Variants in GUF1 observed in about 807,000 individuals in gnomAD.
The protein encoded by GUF1 is GTP binding elongation factor GUF1.
GUF1 carries 78 observed loss-of-function variants against 82.4 expected under a neutral mutation model. The observed-to-expected ratio is 0.95, with a 90% CI of 0.79 to 1.14. The LOEUF (loss-of-function observed/expected upper bound fraction) is 1.14. Ranked by LOEUF, GUF1 falls within the 50% of genes most tolerant of loss-of-function variation. The pLI, the probability that GUF1 is intolerant of heterozygous loss-of-function variation, is 0.00. For missense variants in GUF1, 814 were observed against 798.2 expected (o/e 1.02, Z -0.24); for synonymous variants, 279 against 282.3 (o/e 0.99, Z 0.12).
At position 44,690,875 on chromosome 4, in the gene GUF1, C is replaced by T; in HGVS notation, c.1479+15C>T. On this transcript the variant is annotated intron_variant, in intron 12 of 16. Coordinates refer to ENST00000281543, the MANE Select transcript of GUF1 (RefSeq NM_021927.3). ...TGCTTTGCGAGGTATAACTATAATA[C>T]AATTTAATACAAAATTAGGTTTTAG... 3.2e-6 allele frequency: 5 copies of T among 1,556,134 alleles called. No homozygotes were observed. Among genetic ancestry groups the T allele is most frequent in the East Asian group, 2.3e-5 (1 of 44,038 alleles).
At chr4:44,683,370 G>T in intron 6 of GUF1, 52 bp downstream of exon 6, 1 of 1,038,148 alleles carries the variant, frequency 9.6e-7, no homozygotes, top group Non-Finnish European at 1.4e-6. Flanking sequence ...TCAAGTAATT[G>T]GGCTAAGTGA....
intron 4 of GUF1, 26 bp from the exon 5 acceptor site, chr4:44,682,299 GGTCATCTCA>G (rs1714815348): frequency 8.6e-7 from 1 of 1,161,194 alleles, no homozygotes; most frequent in African/African-American, 1.6e-5. Context: ...ATAATAGAAT[GGTCATCTCA>G]GTATCTTGTA....
At chr4:44,697,365 T>C (rs1372504988) in intron 15 of GUF1, 43 bp from the exon 16 acceptor site, 2 of 1,278,716 alleles carry the variant, frequency 1.6e-6, no homozygotes, top group Non-Finnish European at 2.2e-6. Context: ...TTTTAAACAG[T>C]ATAATGGAAT....
chr4:44,696,765 C>G (rs144978969), intron 15 of GUF1, among the ~76,000 whole-genome samples: 76 of 152,268 alleles, frequency 5.0e-4, no homozygotes, highest in African/African-American at 1.8e-3. Context: ...GAAATGATAA[C>G]TAGGGAACAT....
chr4:44,695,395 C>T (rs1715742713), intron 14 of GUF1, among the ~76,000 whole-genome samples: 1 of 152,160 alleles, frequency 6.6e-6, no homozygotes, highest in African/African-American at 2.4e-5. Flanking sequence ...AGAACAGTTT[C>T]TATTGTCTAA....
chr4:44,696,307 C>T (rs1304735855), intron 15 of GUF1, among the ~76,000 whole-genome samples: 1 of 152,050 alleles, frequency 6.6e-6, no homozygotes, highest in Non-Finnish European at 1.5e-5. Flanking sequence ...ATACATAAAT[C>T]AGAACACTGG....
At position 44,694,378 on chromosome 4, in the gene GUF1, G is replaced by A. The variant is rs111386631; in HGVS notation, c.1614-34G>A. The A allele has an allele frequency of 2.2e-5, 27 of 1,247,520 alleles. No homozygotes were observed. In the African/African-American group the frequency reaches 2.4e-4, roughly 11 times the overall value. The allele number at this position is 1,247,520 out of a possible 1,614,324, so 77.3% of individuals were successfully genotyped here. ...TAATAAAGGTAATCTCTCAGGAAGT[G>A]TAATATTTATCACTTGGACTTTTTT... On this transcript the variant is annotated intron_variant, in intron 13 of 16. Coordinates refer to ENST00000281543, the MANE Select transcript of GUF1 (RefSeq NM_021927.3).
At chr4:44,694,985 T>G (rs1029500715) in intron 14 of GUF1, among the ~76,000 whole-genome samples, 1 of 152,170 alleles carries the variant, frequency 6.6e-6, no homozygotes, top group Non-Finnish European at 1.5e-5. Context: ...TTTTGTATTT[T>G]TAGTAGAGAT....
chr4:44,692,410 G>T (rs1207447395), intron 13 of GUF1, among the ~76,000 whole-genome samples: 6 of 144,048 alleles, frequency 4.2e-5, no homozygotes, highest in South Asian at 2.1e-4. Flanking sequence ...GCTGTTTTTT[G>T]TTGTTGTTGT....
rs116428400 is a variant in GUF1 at position 44,687,219 on chromosome 4, C to G, written c.938+506C>G. Among the ~76,000 whole-genome samples, 580 of 152,008 alleles carry G rather than the reference C, an allele frequency of 3.8e-3. 3 individuals carry two copies. Among genetic ancestry groups the G allele is most frequent in the Non-Finnish European group, 6.1e-3 (413 of 67,868 alleles). On this transcript the variant is annotated intron_variant, in intron 8 of 16. Coordinates refer to ENST00000281543, the MANE Select transcript of GUF1 (RefSeq NM_021927.3). ...AAGAACTATTTATTGAGTGCCTACT[C>G]CGTATCAGGTACTGATGAGGCATGA...
intron 6 of GUF1, among the ~76,000 whole-genome samples, chr4:44,683,912 G>A (rs1315989142): frequency 6.6e-6 from 1 of 151,982 alleles, no homozygotes; most frequent in Non-Finnish European, 1.5e-5. Context: ...GCAATGTAAT[G>A]TTTTTCTTTC....
At chr4:44,684,451 A>G (rs1714939829) in intron 6 of GUF1, among the ~76,000 whole-genome samples, 1 of 152,108 alleles carries the variant, frequency 6.6e-6, no homozygotes, top group Non-Finnish European at 1.5e-5. Flanking sequence ...GAATCAAGTC[A>G]TGCTGGGACT....
rs200513300 is a variant in GUF1 at position 44,695,598 on chromosome 4, G to A, written c.1716-17G>A. The stretch of plus-strand genomic sequence containing the variant: ...TCTTATTTAGGATATATAAACAGTT[G>A]TATTTTTCTGTCTCAGAGACAAAGC... On this transcript the variant is annotated splice_polypyrimidine_tract_variant and intron_variant, in intron 14 of 16. Transcript: ENST00000281543. 1.6e-5 allele frequency: 25 copies of A among 1,597,776 alleles called. No homozygotes were observed. Among genetic ancestry groups the A allele is most frequent in the Non-Finnish European group, 2.1e-5 (25 of 1,172,484 alleles).
chr4:44,680,997 G>C, intron 3 of GUF1, 126 bp from the exon 4 acceptor site: 1 of 1,104,762 alleles, frequency 9.1e-7, no homozygotes, highest in African/African-American at 1.6e-5. Flanking sequence ...TGTTTCAAAA[G>C]TGCAGGCTAC....
intron 8 of GUF1, among the ~76,000 whole-genome samples, chr4:44,687,785 G>T (rs917218439): frequency 5.9e-5 from 9 of 151,824 alleles, no homozygotes; most frequent in African/African-American, 2.2e-4. Flanking sequence ...CATGAAAAAG[G>T]CATTAGGTTT....
At chr4:44,696,112 A>G (rs1231911548) in intron 15 of GUF1, among the ~76,000 whole-genome samples, 1 of 152,104 alleles carries the variant, frequency 6.6e-6, no homozygotes, top group South Asian at 2.1e-4. Flanking sequence ...ACAAAATTAC[A>G]ATTTTTTTTT....
intron 15 of GUF1, among the ~76,000 whole-genome samples, chr4:44,696,657 A>G (rs2109670154): frequency 6.6e-6 from 1 of 152,298 alleles, no homozygotes; most frequent in South Asian, 2.1e-4. Flanking sequence ...CTTGAGGTTA[A>G]TTTTAGGCCC....
Position 44,680,698 on chromosome 4 carries a change from A to C in GUF1, c.282A>C (p.Thr94=), listed in dbSNP as rs1256228453. The C allele has an allele frequency of 1.3e-6, 2 of 1,588,954 alleles. No homozygotes were observed. Among genetic ancestry groups the C allele is most frequent in the Non-Finnish European group, 1.7e-6 (2 of 1,164,334 alleles). Residue 94 remains threonine, a synonymous_variant, in exon 3 of 17, where the codon ACA becomes ACC. Coordinates refer to ENST00000281543, the MANE Select transcript of GUF1 (RefSeq NM_021927.3). ...LADRLLELTG[T]IDKTKNNKQV... ...AATAAGTGTTTCTGTTTATAGGGAC[A>C]ATTGATAAAACAAAGAATAATAAGC...
intron 11 of GUF1, 28 bp downstream of exon 11, chr4:44,690,003 G>A: frequency 6.6e-7 from 1 of 1,511,410 alleles, no homozygotes; most frequent in Non-Finnish European, 8.9e-7. Flanking sequence ...CTGGTATTTA[G>A]TACTGTTTTG....
Sources: allele counts gnomAD v4.1 joint callset (sites outside exome capture counted in the v4.1 genomes callset), GRCh38; gene constraint gnomAD v4.1.1; transcripts MANE v1.5; gene names NCBI Gene and HGNC (gene_info 2026-07-23, HGNC 2026-07-21).